Variants in SLC24A3 observed in about 807,000 individuals in gnomAD.
SLC24A3 encodes the protein solute carrier family 24 member 3.
SLC24A3 carries 28 observed loss-of-function variants against 75.8 expected under a neutral mutation model. That is an observed-to-expected ratio of 0.37 (90% CI 0.27 to 0.51). The LOEUF (loss-of-function observed/expected upper bound fraction) is 0.51, where lower values mean the gene tolerates loss of function less well. SLC24A3 is among the 20% of genes least tolerant of loss of function. SLC24A3 has a pLI of 0.94. For missense variants in SLC24A3, 663 were observed against 847.8 expected (o/e 0.78, Z 2.71); for synonymous variants, 372 against 334.1 (o/e 1.11, Z -1.24).
intron 3 of SLC24A3, among the ~76,000 whole-genome samples, chr20:19,562,533 A>G (rs1239636548): frequency 6.6e-6 from 1 of 152,198 alleles, no homozygotes; most frequent in Non-Finnish European, 1.5e-5. Context: ...TGAACTTCCT[A>G]GTTAGAAGTC....
At chr20:19,500,656 G>A (rs1433357838) in intron 2 of SLC24A3, among the ~76,000 whole-genome samples, 4 of 152,138 alleles carry the variant, frequency 2.6e-5, no homozygotes, top group Admixed American at 2.6e-4. Flanking sequence ...AAACATCAAA[G>A]GAAGCAATGA....
At chr20:19,308,465 A>T (rs1984380950) in intron 2 of SLC24A3, among the ~76,000 whole-genome samples, 1 of 152,342 alleles carries the variant, frequency 6.6e-6, no homozygotes, top group African/African-American at 2.4e-5. Flanking sequence ...CTGCCTCCGC[A>T]GTCCTCAGGC....
At chr20:19,426,136 T>C (rs953982396) in intron 2 of SLC24A3, among the ~76,000 whole-genome samples, 1 of 152,212 alleles carries the variant, frequency 6.6e-6, no homozygotes, top group African/African-American at 2.4e-5. Flanking sequence ...TTTATGCCAA[T>C]AACACCAATT....
intron 2 of SLC24A3, among the ~76,000 whole-genome samples, chr20:19,369,006 A>T (rs1985945024): frequency 2.0e-5 from 3 of 152,240 alleles, no homozygotes; most frequent in Admixed American, 6.5e-5. Flanking sequence ...AGAAGACATG[A>T]TGGAATTAGA....
chr20:19,352,354 G>T (rs917521801), intron 2 of SLC24A3, among the ~76,000 whole-genome samples: 3 of 152,066 alleles, frequency 2.0e-5, no homozygotes, highest in African/African-American at 7.2e-5. Flanking sequence ...CTGGCACTGC[G>T]GTACCAACCA....
chr20:19,698,468 G>T lies in SLC24A3; in HGVS notation c.1607-100G>T, dbSNP rs1001222323. On this transcript the variant is annotated intron_variant, in intron 14 of 16. Transcript: ENST00000328041. Reference sequence around the variant, plus strand: ...GAAAGAGAAGCACATATGTGAGCTTGCAGAACCACTCTCTGGCTGTGAGAC... The same window carrying T: ...GAAAGAGAAGCACATATGTGAGCTTTCAGAACCACTCTCTGGCTGTGAGAC... 7 of 742,220 alleles carry T rather than the reference G, an allele frequency of 9.4e-6. No homozygotes were observed. In the Admixed American group the frequency reaches 1.6e-4, roughly 17 times the overall value. 46.0% of individuals were successfully genotyped at this position (742,220 alleles called of 1,614,324 possible). A position where few individuals can be genotyped will look rare whatever the true frequency, so the allele number is the denominator to read the frequency against.
chr20:19,699,751 C>T (rs745504663), intron 15 of SLC24A3, among the ~76,000 whole-genome samples: 13 of 152,160 alleles, frequency 8.5e-5, no homozygotes, highest in Non-Finnish European at 1.8e-4. Context: ...TAATGAGTCA[C>T]ACAGGAAGTG....
rs941240165 is a variant in SLC24A3 at position 19,291,666 on chromosome 20, C to G, written c.271+10579C>G. Reference sequence around the variant, plus strand: ...ATTAGCAGCCTTTTTTAGAAGCTGACTCAGAACAAAATGGATTTGGGCCCA... The same window carrying G: ...ATTAGCAGCCTTTTTTAGAAGCTGAGTCAGAACAAAATGGATTTGGGCCCA... On this transcript the variant is annotated intron_variant, in intron 2 of 16. Coordinates refer to ENST00000328041, the MANE Select transcript of SLC24A3 (RefSeq NM_020689.4). Among the ~76,000 whole-genome samples the G allele has an allele frequency of 2.0e-5, 3 of 152,298 alleles. 1 individual carries two copies. The highest frequency in any genetic ancestry group is 7.2e-5 in the African/African-American group (3 of 41,568).
intron 16 of SLC24A3, among the ~76,000 whole-genome samples, chr20:19,718,569 G>A (rs1051430532): frequency 6.6e-6 from 1 of 152,192 alleles, no homozygotes; most frequent in East Asian, 1.9e-4. Flanking sequence ...TTGACACCAA[G>A]TGAATGGAGG....
chr20:19,425,313 A>AG (rs879366496), intron 2 of SLC24A3, among the ~76,000 whole-genome samples: 86 of 151,826 alleles, frequency 5.7e-4, no homozygotes, highest in Non-Finnish European at 9.6e-4. Context: ...AAAAAAAAAA[A>AG]AATTAATTAC....
chr20:19,382,451 G>A (rs1356259202), intron 2 of SLC24A3, among the ~76,000 whole-genome samples: 1 of 152,158 alleles, frequency 6.6e-6, no homozygotes, highest in East Asian at 1.9e-4. Context: ...TTGAAATTAA[G>A]CAATTTCCTC....
At chr20:19,221,740 C>G (rs187689587) in intron 1 of SLC24A3, among the ~76,000 whole-genome samples, 2 of 152,134 alleles carry the variant, frequency 1.3e-5, no homozygotes, top group African/African-American at 4.8e-5. Context: ...ATCCACCCCC[C>G]GCCTCACCCC....
intron 2 of SLC24A3, among the ~76,000 whole-genome samples, chr20:19,286,023 A>G (rs1983807660): frequency 1.3e-5 from 2 of 152,200 alleles, no homozygotes; most frequent in African/African-American, 2.4e-5. Context: ...GAAGGAAAAT[A>G]TTTAAAATGA....
intron 2 of SLC24A3, among the ~76,000 whole-genome samples, chr20:19,388,977 G>A (rs2179822): frequency 0.3 from 45,468 of 151,620 alleles, 8,127 homozygotes; most frequent in Middle Eastern, 0.52. Context: ...GTAGTGATGC[G>A]CTTTGATTCT....
In SLC24A3 at chr20:19,410,213, G is replaced by GA. The variant is rs573281127; in HGVS notation, c.272-105269dup. Among the ~76,000 whole-genome samples, 19 of 152,160 alleles carry GA rather than the reference G, an allele frequency of 1.2e-4. No individual in the cohort carries two copies. In the South Asian group the frequency reaches 3.9e-3, roughly 31 times the overall value. ...TATCAAACTCCTCATTAGAGGCCTA[G>GA]AAAAAATACCTACAAAGAAGCAAGA... On this transcript the variant is annotated intron_variant, in intron 2 of 16. Coordinates refer to ENST00000328041, the MANE Select transcript of SLC24A3 (RefSeq NM_020689.4).
At chr20:19,449,489 A>T (rs1484345990) in intron 2 of SLC24A3, among the ~76,000 whole-genome samples, 1 of 152,166 alleles carries the variant, frequency 6.6e-6, no homozygotes, top group Non-Finnish European at 1.5e-5. Context: ...GAATTTAGAA[A>T]ATGCCTTGAC....
intron 3 of SLC24A3, among the ~76,000 whole-genome samples, chr20:19,577,939 CT>C (rs1201020592): frequency 2.6e-5 from 4 of 152,178 alleles, no homozygotes; most frequent in Non-Finnish European, 5.9e-5. Flanking sequence ...ATGCATTTGT[CT>C]GATATTTCCA....
chr20:19,502,773 G>A (rs6112421), intron 2 of SLC24A3, among the ~76,000 whole-genome samples: 1 of 148,302 alleles, frequency 6.7e-6, no homozygotes, highest in African/African-American at 2.5e-5. Context: ...GCTTATGCTT[G>A]TAATCTCAGC....
intron 3 of SLC24A3, among the ~76,000 whole-genome samples, chr20:19,521,576 C>T (rs1326046788): frequency 6.6e-6 from 1 of 152,206 alleles, no homozygotes; most frequent in African/African-American, 2.4e-5. Context: ...GTCCCTTCCT[C>T]CCAGCTGACT....
Sources: allele counts gnomAD v4.1 joint callset (sites outside exome capture counted in the v4.1 genomes callset), GRCh38; gene constraint gnomAD v4.1.1; transcripts MANE v1.5; gene names NCBI Gene and HGNC (gene_info 2026-07-23, HGNC 2026-07-21).